The following KIAA1549L variants were observed in gnomAD, a reference collection of about 807,000 sequenced individuals.
KIAA1549L encodes UPF0606 protein KIAA1549L.
A neutral mutation model predicts 160.7 loss-of-function variants in KIAA1549L; 88 were observed. The ratio of observed to expected loss-of-function variants is 0.55; its 90% CI spans 0.46 to 0.65. The LOEUF (loss-of-function observed/expected upper bound fraction) is 0.65. Ranked by LOEUF, KIAA1549L falls within the 30% of genes least tolerant of loss-of-function variation. The pLI, the probability that KIAA1549L is intolerant of heterozygous loss-of-function variation, is 0.00. For synonymous variants in KIAA1549L, 950 were observed against 976.7 expected (o/e 0.97, Z 0.51); for missense variants, 2,258 against 2,437.5 (o/e 0.93, Z 1.55).
At chr11:33,511,347 T>G (rs1853222951) in intron 1 of KIAA1549L, among the ~76,000 whole-genome samples, 1 of 152,202 alleles carries the variant, frequency 6.6e-6, no homozygotes, top group Admixed American at 6.5e-5. Context: ...TTCTCTGCAA[T>G]GGAAGTGTGA....
Position 33,394,018 on chromosome 11 carries a change from G to A in KIAA1549L, c.238+17129G>A, listed in dbSNP as rs537044288. Among the ~76,000 whole-genome samples, 20 of 152,282 alleles carry A rather than the reference G, an allele frequency of 1.3e-4. No individual in the cohort carries two copies. The East Asian group carries it at 3.7e-3, about 28-fold the overall frequency. Reference sequence around the variant, plus strand: ...ATGGATAGCACAGCACTAGCGGTGGGATGGAGTACAGGCATCACAAGCCAG... The same window carrying A: ...ATGGATAGCACAGCACTAGCGGTGGAATGGAGTACAGGCATCACAAGCCAG... On this transcript the variant is annotated intron_variant, in intron 1 of 20. Transcript: ENST00000658780.
intron 11 of KIAA1549L, among the ~76,000 whole-genome samples, chr11:33,590,879 C>A (rs1302366331): frequency 6.6e-6 from 1 of 152,168 alleles, no homozygotes; most frequent in African/African-American, 2.4e-5. Context: ...GGAGGTGATC[C>A]ACAGGACCTG....
intron 6 of KIAA1549L, among the ~76,000 whole-genome samples, chr11:33,558,857 A>G (rs1854740547): frequency 6.7e-6 from 1 of 149,030 alleles, no homozygotes; most frequent in Non-Finnish European, 1.5e-5. Flanking sequence ...TTTTTTTTGA[A>G]GAATCTTGCT....
chr11:33,505,281 A>G (rs1853054618), intron 1 of KIAA1549L, among the ~76,000 whole-genome samples: 1 of 152,214 alleles, frequency 6.6e-6, no homozygotes, highest in African/African-American at 2.4e-5. Context: ...TGAGTGTTCC[A>G]GTCACTCAGG....
At position 33,671,616 on chromosome 11, in the gene KIAA1549L, A is replaced by ACACACACACACC. The variant is rs1374560127; in HGVS notation, c.*3463_*3464insACACACACACCC. On this transcript the variant is annotated 3_prime_UTR_variant, in exon 21 of 21. Coordinates refer to ENST00000658780, the MANE Select transcript of KIAA1549L (RefSeq NM_012194.3). ...CACACACACACACACACACACACAC[A>ACACACACACACC]CCCTACTTCGGAGAGAGAATGTAGA... 6.6e-6 allele frequency: 1 copy of ACACACACACACC among 150,992 alleles called. No individual in the cohort carries two copies. Among genetic ancestry groups the ACACACACACACC allele is most frequent in the Middle Eastern group, 3.4e-3 (1 of 292 alleles). 9.4% of individuals were successfully genotyped at this position (150,992 alleles called of 1,614,324 possible).
At chr11:33,430,234 TTCCCTCCCTCCCTCCCTCTCTCCC>T (rs1851210193) in intron 1 of KIAA1549L, among the ~76,000 whole-genome samples, 1 of 96,230 alleles carries the variant, frequency 1.0e-5, no homozygotes, top group Admixed American at 1.2e-4. Flanking sequence ...CCTTTCATCC[TTCCCTCCCTCCCTCCCTCTCTCCC>T]TCCCTCCCTC....
chr11:33,442,088 A>G (rs1232582052), intron 1 of KIAA1549L, among the ~76,000 whole-genome samples: 25 of 151,670 alleles, frequency 1.6e-4, no homozygotes, highest in Admixed American at 1.2e-3. Context: ...ATCTTGAATT[A>G]ATTTTTGTAT....
At chr11:33,422,297 C>CCTGTGT (rs1851029505) in intron 1 of KIAA1549L, among the ~76,000 whole-genome samples, 1 of 152,150 alleles carries the variant, frequency 6.6e-6, no homozygotes, top group Non-Finnish European at 1.5e-5. Context: ...CAACCACTGC[C>CCTGTGT]CTGTGTATTC....
intron 16 of KIAA1549L, among the ~76,000 whole-genome samples, chr11:33,622,862 A>G (rs1304562639): frequency 6.6e-6 from 1 of 152,200 alleles, no homozygotes; most frequent in Non-Finnish European, 1.5e-5. Flanking sequence ...TCAGTCCACA[A>G]CAGCCTGCTG....
At chr11:33,390,023 G>A (rs1197424793) in intron 1 of KIAA1549L, among the ~76,000 whole-genome samples, 1 of 152,210 alleles carries the variant, frequency 6.6e-6, no homozygotes, top group Non-Finnish European at 1.5e-5. Context: ...ATAATTAATT[G>A]ATAGAAATAA....
At chr11:33,529,328 C>T (rs189292006) in intron 1 of KIAA1549L, among the ~76,000 whole-genome samples, 20 of 151,072 alleles carry the variant, frequency 1.3e-4, no homozygotes, top group Admixed American at 1.3e-3. Flanking sequence ...GAATGAGACC[C>T]TGTTTCAAAA....
intron 16 of KIAA1549L, among the ~76,000 whole-genome samples, chr11:33,643,499 C>T (rs1851641851): frequency 6.6e-6 from 1 of 152,186 alleles, no homozygotes; most frequent in African/African-American, 2.4e-5. Context: ...GAAATTGTAC[C>T]TCAGCTCACC....
At chr11:33,637,100 T>C (rs1851456092) in intron 16 of KIAA1549L, among the ~76,000 whole-genome samples, 1 of 152,170 alleles carries the variant, frequency 6.6e-6, no homozygotes, top group Admixed American at 6.5e-5. Context: ...CCAGACATGC[T>C]TGGGGAGCTC....
At chr11:33,420,235 G>GTTTGTTTGTTTGTTTGTTTTTTTT (rs1554975227) in intron 1 of KIAA1549L, among the ~76,000 whole-genome samples, 4 of 46,266 alleles carry the variant, frequency 8.6e-5, no homozygotes, top group African/African-American at 2.3e-4. Flanking sequence ...TTTTTTTTTT[G>GTTTGTTTGTTTGTTTGTTTTTTTT]TTTTTTTTTT....
chr11:33,465,426 A>G (rs1254430291), intron 1 of KIAA1549L, among the ~76,000 whole-genome samples: 3 of 152,078 alleles, frequency 2.0e-5, no homozygotes, highest in Non-Finnish European at 2.9e-5. Context: ...AGCCTTGCTC[A>G]GGGGCTCCAC....
rs1352241729 is a variant in KIAA1549L, at chr11:33,574,771, G to A, written c.4300G>A (p.Gly1434Arg). ...AELTYYTLYN[G>R]KPLLGTAAAK... Reference sequence around the variant, plus strand: ...GCTGACTTACTATACCCTGTACAACGGGAAGCCTTTGTTGGGGACCGCAGC... The same window carrying A: ...GCTGACTTACTATACCCTGTACAACAGGAAGCCTTTGTTGGGGACCGCAGC... The change falls in exon 10 of 21, where the codon GGG (glycine) becomes AGG (arginine). Residue 1434 changes from glycine to arginine, a missense_variant. Physicochemically the swap from Gly to Arg is moderately radical, Grantham distance 125 (BLOSUM62 -2). Coordinates refer to ENST00000658780, the MANE Select transcript of KIAA1549L (RefSeq NM_012194.3). The A allele has an allele frequency of 3.7e-6, 6 of 1,613,852 alleles. No individual in the cohort carries two copies. The highest frequency in any genetic ancestry group is 1.1e-5 in the South Asian group (1 of 91,088).
chr11:33,448,530 T>C (rs1350858246), intron 1 of KIAA1549L, among the ~76,000 whole-genome samples: 3 of 152,206 alleles, frequency 2.0e-5, no homozygotes, highest in African/African-American at 4.8e-5. Context: ...CAGTTTGGAA[T>C]ATTTTGCAGT....
rs1164080638 is a variant in KIAA1549L at position 33,671,293 on chromosome 11, T to C, written c.*3139T>C. Reference sequence around the variant, plus strand: ...ACAGGCAGGCAGGGAGGCCCTTGACTTTGTGTCACTGTGAGGCAGCAGAGT... The same window carrying C: ...ACAGGCAGGCAGGGAGGCCCTTGACCTTGTGTCACTGTGAGGCAGCAGAGT... On this transcript the variant is annotated 3_prime_UTR_variant, in exon 21 of 21. Coordinates refer to ENST00000658780, the MANE Select transcript of KIAA1549L (RefSeq NM_012194.3). The C allele has an allele frequency of 6.6e-6, 1 of 152,192 alleles. No homozygotes were observed. The highest frequency in any genetic ancestry group is 1.5e-5 in the Non-Finnish European group (1 of 68,050). 9.4% of individuals were successfully genotyped at this position (152,192 alleles called of 1,614,324 possible).
intron 1 of KIAA1549L, among the ~76,000 whole-genome samples, chr11:33,440,678 A>G (rs1851483201): frequency 6.6e-6 from 1 of 152,214 alleles, no homozygotes; most frequent in Non-Finnish European, 1.5e-5. Flanking sequence ...CCTTTACACA[A>G]TGAACATTAA....
Sources: gnomAD v4.1 joint callset for allele counts (sites outside exome capture counted in the v4.1 genomes callset) on GRCh38, gnomAD v4.1.1 for gene constraint, MANE v1.5 for transcripts, NCBI Gene and HGNC (gene_info 2026-07-23, HGNC 2026-07-21) for gene names.